USH2A: variants seen among roughly 807,000 people sequenced by gnomAD.
The protein encoded by USH2A is usherin.
In USH2A, 443 loss-of-function variants were observed where a neutral mutation model predicts 538.9. The ratio of observed to expected loss-of-function variants is 0.82; its 90% CI spans 0.76 to 0.89. USH2A has a LOEUF of 0.89. Among genes scored for constraint, USH2A ranks in the 40% least tolerant of loss-of-function variants. The pLI, the probability that USH2A is intolerant of heterozygous loss-of-function variation, is 0.00. For missense variants in USH2A, 6,633 were observed against 6,324.8 expected (o/e 1.05, Z -1.65); for synonymous variants, 2,413 against 2,273.5 (o/e 1.06, Z -1.75).
chr1:215,682,865 A>ATTTC (rs1465018277), intron 61 of USH2A, among the ~76,000 whole-genome samples: 1 of 151,216 alleles, frequency 6.6e-6, no homozygotes, highest in Admixed American at 6.6e-5. Flanking sequence ...TTATTTATTT[A>ATTTC]ATTTATTATT....
chr1:215,773,818 A>C (rs1661375683), intron 55 of USH2A, among the ~76,000 whole-genome samples: 1 of 152,194 alleles, frequency 6.6e-6, no homozygotes, highest in African/African-American at 2.4e-5. Flanking sequence ...GGATAGAGCC[A>C]TATCAGCATT....
At chr1:215,671,537 T>G (rs11120595) in intron 63 of USH2A, among the ~76,000 whole-genome samples, 2 of 151,944 alleles carry the variant, frequency 1.3e-5, no homozygotes, top group Admixed American at 6.6e-5. Context: ...CAAAAAAAAA[T>G]TATATTTCCA....
rs993682170 is a variant in USH2A at position 215,779,990 on chromosome 1, T to G, written c.10792A>C (p.Ile3598Leu). The G allele has an allele frequency of 1.1e-5, 18 of 1,614,150 alleles. No individual in the cohort carries two copies. The highest frequency in any genetic ancestry group is 1.5e-5 in the Non-Finnish European group (18 of 1,180,042). ...AGAGCCACTGCACTTAGGGCTGTGA[T>G]GCTTGGTGGCAGGATGCTCTCCGGA... ...GVPESILPPSITALSAVALHL... is the reference protein window; with the variant it reads ...GVPESILPPSLTALSAVALHL... The change falls in exon 55 of 72, where the codon ATC becomes CTC. Residue 3598 changes from isoleucine (I) to leucine (L), a missense_variant. Ile to Leu is a conservative substitution (Grantham distance 5). Transcript: ENST00000307340.
chr1:216,193,513 G>C (rs890327961), intron 19 of USH2A, among the ~76,000 whole-genome samples: 1 of 152,058 alleles, frequency 6.6e-6, no homozygotes, highest in Non-Finnish European at 1.5e-5. Context: ...ATTGTATAGT[G>C]TCTCCCAAAA....
chr1:215,849,179 T>C (rs750338656), intron 44 of USH2A, among the ~76,000 whole-genome samples: 4 of 152,178 alleles, frequency 2.6e-5, no homozygotes, highest in Admixed American at 6.6e-5. Flanking sequence ...GTCTAGAACC[T>C]TCCAAGGCAG....
At chr1:215,793,465 C>T (rs1248143329) in intron 50 of USH2A, among the ~76,000 whole-genome samples, 1 of 152,038 alleles carries the variant, frequency 6.6e-6, no homozygotes, top group African/African-American at 2.4e-5. Flanking sequence ...CTTGTCTTCA[C>T]CAGTAGATGG....
intron 21 of USH2A, among the ~76,000 whole-genome samples, chr1:216,168,434 C>T (rs1342911676): frequency 6.6e-6 from 1 of 152,044 alleles, no homozygotes; most frequent in Non-Finnish European, 1.5e-5. Context: ...GTGAAAGAGA[C>T]CTGGCCTAAA....
intron 47 of USH2A, among the ~76,000 whole-genome samples, chr1:215,836,565 A>AATATATATTATATATATATATATTTT (rs1663536970): frequency 3.0e-5 from 1 of 32,868 alleles, no homozygotes; most frequent in African/African-American, 9.2e-5. Context: ...ATATATATAT[A>AATATATATTATATATATATATATTTT]TTTTTTTTTG....
intron 3 of USH2A, among the ~76,000 whole-genome samples, chr1:216,379,513 A>C (rs2038894446): frequency 6.6e-6 from 1 of 152,166 alleles, no homozygotes. Context: ...AGTGCTACTT[A>C]AGTGCTTTAT....
At chr1:215,775,175 G>T (rs1233407387) in intron 55 of USH2A, among the ~76,000 whole-genome samples, 1 of 152,126 alleles carries the variant, frequency 6.6e-6, no homozygotes, top group African/African-American at 2.4e-5. Context: ...ATTCCAGACT[G>T]CTGGAGATCA....
chr1:216,382,614 G>C (rs188726854), intron 3 of USH2A, among the ~76,000 whole-genome samples: 23 of 152,266 alleles, frequency 1.5e-4, no homozygotes, highest in Admixed American at 1.4e-3. Flanking sequence ...AGAAATTACA[G>C]GTTTTATAAC....
chr1:215,671,260 C>T lies in USH2A; in HGVS notation c.13845G>A (p.Leu4615=). The T allele has an allele frequency of 6.2e-7, 1 of 1,614,054 alleles. No individual in the cohort carries two copies. The highest frequency in any genetic ancestry group is 1.7e-4 in the Middle Eastern group (1 of 6,060). ...ATGTCCAGTCACTTGATGCACATCC[C>T]AGGGTGGTGCACGCTTGAATTCGTA... ...YEIRIQACTT[L]GCASSDWTFI... Residue 4615 remains leucine, a synonymous_variant, in exon 64 of 72, where the codon CTG becomes CTA. Transcript: ENST00000307340.
chr1:216,376,103 G>T (rs1420127189), intron 3 of USH2A, among the ~76,000 whole-genome samples: 2 of 152,080 alleles, frequency 1.3e-5, no homozygotes, highest in African/African-American at 2.4e-5. Flanking sequence ...ATTTCTGTGA[G>T]AATTGCCAAA....
intron 44 of USH2A, 46 bp from the exon 45 acceptor site, chr1:215,846,079 C>T (rs956039896): frequency 1.7e-5 from 26 of 1,573,264 alleles, no homozygotes; most frequent in Non-Finnish European, 2.3e-5. Flanking sequence ...CTGAGGCTTT[C>T]AGGGGAAAAA....
rs372668836 is a variant in USH2A, at chr1:215,743,392, G to A, written c.11390-57C>T. On this transcript the variant is annotated intron_variant, in intron 58 of 71. Transcript: ENST00000307340. ...AAAACATATATATATATATATGTGT[G>A]TGTGTGTGTGTGTGTGTGTGTGTGT... 0.036 allele frequency: 10,350 copies of A among 286,694 alleles called. 99 individuals carry two copies. The highest frequency in any genetic ancestry group is 0.042 in the Non-Finnish European group (7,264 of 172,168). The allele number at this position is 286,694 out of a possible 1,614,324, so 17.8% of individuals were successfully genotyped here. A position where few individuals can be genotyped will look rare whatever the true frequency, so the allele number is the denominator to read the frequency against.
chr1:215,699,050 T>C (rs1406078470), intron 61 of USH2A, among the ~76,000 whole-genome samples: 1 of 152,232 alleles, frequency 6.6e-6, no homozygotes, highest in Non-Finnish European at 1.5e-5. Context: ...TAGCCAGTTT[T>C]CCCAACACTG....
intron 58 of USH2A, among the ~76,000 whole-genome samples, chr1:215,748,189 C>T (rs932007688): frequency 6.6e-6 from 1 of 152,178 alleles, no homozygotes; most frequent in Non-Finnish European, 1.5e-5. Context: ...CTTGCTTTGC[C>T]ACCAGGCTGG....
intron 21 of USH2A, among the ~76,000 whole-genome samples, chr1:216,111,191 A>G (rs1373659755): frequency 6.6e-6 from 1 of 152,222 alleles, no homozygotes; most frequent in Non-Finnish European, 1.5e-5. Context: ...AGATCGTGCC[A>G]CTGCACTCTA....
intron 67 of USH2A, among the ~76,000 whole-genome samples, chr1:215,642,072 G>A (rs570471219): frequency 6.6e-6 from 1 of 152,252 alleles, no homozygotes; most frequent in Admixed American, 6.5e-5. Flanking sequence ...CTTGTAACTA[G>A]CAAGAAAATA....
Sources: gnomAD v4.1 joint callset for allele counts (sites outside exome capture counted in the v4.1 genomes callset) on GRCh38, gnomAD v4.1.1 for gene constraint, MANE v1.5 for transcripts, NCBI Gene and HGNC (gene_info 2026-07-23, HGNC 2026-07-21) for gene names.